The following SLC44A1 variants were observed in gnomAD, a reference collection of about 807,000 sequenced individuals.
SLC44A1 encodes the protein choline transporter-like protein 1.
SLC44A1 carries 26 observed loss-of-function variants against 79.3 expected under a neutral mutation model. The ratio of observed to expected loss-of-function variants is 0.33; its 90% CI spans 0.24 to 0.46. The LOEUF (loss-of-function observed/expected upper bound fraction) is 0.46, where lower values mean the gene tolerates loss of function less well. Ranked by LOEUF, SLC44A1 falls within the 20% of genes least tolerant of loss-of-function variation. The pLI, the probability that SLC44A1 is intolerant of heterozygous loss-of-function variation, is 1.00. For synonymous variants in SLC44A1, 263 were observed against 286.2 expected (o/e 0.92, Z 0.82); for missense variants, 688 against 798.1 (o/e 0.86, Z 1.66).
Position 105,390,650 on chromosome 9 carries a change from A to AT in SLC44A1, c.*1603dup, listed in dbSNP as rs965071227. The AT allele has an allele frequency of 8.3e-5, 81 of 980,608 alleles. No individual in the cohort carries two copies. Among genetic ancestry groups the AT allele is most frequent in the Middle Eastern group, 5.2e-4 (1 of 1,906 alleles). 60.7% of individuals were successfully genotyped at this position (980,608 alleles called of 1,614,324 possible). A position where few individuals can be genotyped will look rare whatever the true frequency, so the allele number is the denominator to read the frequency against. ...TAAATTGCTGCAAAAGGTAAATTGT[A>AT]TTTTTTTTTAAGTATTGGTGTTCTT... On this transcript the variant is annotated 3_prime_UTR_variant, in exon 16 of 16. Transcript: ENST00000374720.
intron 15 of SLC44A1, among the ~76,000 whole-genome samples, chr9:105,436,096 G>A (rs1829460520): frequency 6.6e-6 from 1 of 152,220 alleles, no homozygotes; most frequent in African/African-American, 2.4e-5. Context: ...TACCCAGGAG[G>A]CTGAGGCAGA....
At chr9:105,339,995 T>C (rs1432030765) in intron 4 of SLC44A1, among the ~76,000 whole-genome samples, 2 of 152,142 alleles carry the variant, frequency 1.3e-5, no homozygotes, top group African/African-American at 4.8e-5. Context: ...ATAATTCCAC[T>C]TACATGAAAC....
Position 105,390,117 on chromosome 9 carries a change from A to G in SLC44A1, c.*1061A>G. 8.0e-7 allele frequency: 1 copy of G among 1,247,900 alleles called. No individual in the cohort carries two copies. The highest frequency in any genetic ancestry group is 1.0e-6 in the Non-Finnish European group (1 of 989,560). The allele number at this position is 1,247,900 out of a possible 1,614,324, so 77.3% of individuals were successfully genotyped here. A position where few individuals can be genotyped will look rare whatever the true frequency, so the allele number is the denominator to read the frequency against. On this transcript the variant is annotated 3_prime_UTR_variant, in exon 16 of 16. Coordinates refer to ENST00000374720, the MANE Select transcript of SLC44A1 (RefSeq NM_080546.5). The stretch of plus-strand genomic sequence containing the variant: ...GAGTATCCAGAGTTCTACGATGTTT[A>G]ACTGAAGAATTGGCTAATGTTTTGA...
chr9:105,370,873 A>G (rs1207625512), intron 12 of SLC44A1, among the ~76,000 whole-genome samples: 2 of 152,184 alleles, frequency 1.3e-5, no homozygotes, highest in Non-Finnish European at 2.9e-5. Context: ...GGGTTGTCCA[A>G]TTTCCTTGAT....
intron 10 of SLC44A1, among the ~76,000 whole-genome samples, 157 bp from the exon 11 acceptor site, chr9:105,365,326 G>A (rs557079407): frequency 1.1e-4 from 17 of 152,180 alleles, no homozygotes; most frequent in African/African-American, 4.1e-4. Context: ...TGTAGCATTT[G>A]TAATAGTTAT....
rs964123863 is a variant in SLC44A1, at chr9:105,389,799, T to C, written c.*743T>C. On this transcript the variant is annotated 3_prime_UTR_variant, in exon 16 of 16. Coordinates refer to ENST00000374720, the MANE Select transcript of SLC44A1 (RefSeq NM_080546.5). ...TCCCTTATATTTTGTCTTTCTTTCC[T>C]TTTTGACTTTAGTAGCATCCTCCAC... is the stretch of plus-strand genomic sequence containing the variant. 4 of 1,341,140 alleles carry C rather than the reference T, an allele frequency of 3.0e-6. No individual in the cohort carries two copies. Among genetic ancestry groups the C allele is most frequent in the Admixed American group, 7.4e-5 (2 of 27,180 alleles). 83.1% of individuals were successfully genotyped at this position (1,341,140 alleles called of 1,614,324 possible).
intron 3 of SLC44A1, 116 bp downstream of exon 3, chr9:105,309,982 C>T (rs1185828296): frequency 9.2e-7 from 1 of 1,083,824 alleles, no homozygotes; most frequent in Non-Finnish European, 1.3e-6. Flanking sequence ...TTTTATGTGA[C>T]TTCTGTTGGT....
chr9:105,363,511 C>G (rs1221806957), intron 9 of SLC44A1, among the ~76,000 whole-genome samples: 3 of 151,540 alleles, frequency 2.0e-5, no homozygotes, highest in African/African-American at 7.3e-5. Context: ...GTCACACAAA[C>G]TGGAGTGCAG....
intron 3 of SLC44A1, among the ~76,000 whole-genome samples, chr9:105,324,157 A>G (rs1050636718): frequency 4.0e-5 from 6 of 150,618 alleles, no homozygotes; most frequent in Non-Finnish European, 8.9e-5. Context: ...GCCCGCCACC[A>G]CGCCCGGCTA....
At chr9:105,375,717 G>A (rs946333788) in intron 13 of SLC44A1, among the ~76,000 whole-genome samples, 11 of 151,990 alleles carry the variant, frequency 7.2e-5, no homozygotes, top group African/African-American at 2.2e-4. Context: ...TAGAAGTGTC[G>A]AACAAGAGGC....
intron 1 of SLC44A1, among the ~76,000 whole-genome samples, chr9:105,270,071 G>GA (rs1221724331): frequency 2.6e-5 from 4 of 151,890 alleles, no homozygotes; most frequent in African/African-American, 4.8e-5. Context: ...AAAATTTATT[G>GA]AAAAAAATAT....
At chr9:105,289,586 T>A (rs1414508149) in intron 1 of SLC44A1, among the ~76,000 whole-genome samples, 1 of 152,224 alleles carries the variant, frequency 6.6e-6, no homozygotes, top group African/African-American at 2.4e-5. Flanking sequence ...AGGGATTTGG[T>A]TCACTTAAGA....
chr9:105,335,617 G>A lies in SLC44A1; in HGVS notation c.324G>A (p.Lys108=), dbSNP rs1826889952. The change falls in exon 4 of 16, where the codon AAG becomes AAA. Residue 108 remains lysine, a synonymous_variant. Transcript: ENST00000374720. ...TGGACTTGATAAACCGGAAGATTAA[G>A]TCTGTAGCACTGTGTGTAGCAGCGT... ...CNLDLINRKI[K]SVALCVAACP... The A allele has an allele frequency of 1.2e-6, 2 of 1,613,490 alleles. No homozygotes were observed. The highest frequency in any genetic ancestry group is 1.1e-5 in the South Asian group (1 of 90,978).
chr9:105,438,218 A>G, intron 15 of SLC44A1: 2 of 1,401,884 alleles, frequency 1.4e-6, no homozygotes, highest in African/African-American at 2.9e-5. Flanking sequence ...GTTATTGATT[A>G]CTTCTCATTG....
At chr9:105,281,707 C>T (rs1352509343) in intron 1 of SLC44A1, among the ~76,000 whole-genome samples, 1 of 152,180 alleles carries the variant, frequency 6.6e-6, no homozygotes, top group Non-Finnish European at 1.5e-5. Flanking sequence ...GTAACCCAGG[C>T]TTACATGTGC....
chr9:105,265,587 A>G (rs1475451045), intron 1 of SLC44A1, among the ~76,000 whole-genome samples: 1 of 152,212 alleles, frequency 6.6e-6, no homozygotes, highest in Non-Finnish European at 1.5e-5. Context: ...GCTCCTGTGA[A>G]CACTTCTATG....
chr9:105,265,736 T>G (rs1564403744), intron 1 of SLC44A1, among the ~76,000 whole-genome samples: 1 of 152,364 alleles, frequency 6.6e-6, no homozygotes. Context: ...ATGAGCAACG[T>G]ATAAGAAGAG....
chr9:105,249,865 ATT>A (rs71501461), intron 1 of SLC44A1, among the ~76,000 whole-genome samples: 7 of 127,350 alleles, frequency 5.5e-5, no homozygotes, highest in Admixed American at 8.1e-5. Flanking sequence ...CAGTTTACTA[ATT>A]TTTTTTTTTT....
chr9:105,383,480 A>G (rs16924530), intron 14 of SLC44A1, 121 bp downstream of exon 14: 76,435 of 661,102 alleles, frequency 0.12, 7,835 homozygotes, highest in African/African-American at 0.43. Flanking sequence ...AATTAACCCC[A>G]TAGCACTGAC....
Sources: allele counts gnomAD v4.1 joint callset (sites outside exome capture counted in the v4.1 genomes callset), GRCh38; gene constraint gnomAD v4.1.1; transcripts MANE v1.5; gene names NCBI Gene and HGNC (gene_info 2026-07-23, HGNC 2026-07-21).